The following ASXL3 variants were observed in gnomAD, a reference collection of about 807,000 sequenced individuals.
ASXL3 encodes putative Polycomb group protein ASXL3.
A neutral mutation model predicts 170.6 loss-of-function variants in ASXL3; 34 were observed. The ratio of observed to expected loss-of-function variants is 0.20; its 90% CI spans 0.15 to 0.27. ASXL3 has a LOEUF of 0.27. ASXL3 is among the 10% of genes least tolerant of loss of function. ASXL3 has a pLI of 1.00. For missense variants in ASXL3, 2,592 were observed against 2,695.3 expected (o/e 0.96, Z 0.85); for synonymous variants, 1,002 against 989.1 (o/e 1.01, Z -0.24).
At position 33,739,091 on chromosome 18, in the gene ASXL3, A is replaced by G. The variant is rs766174005; in HGVS notation, c.1687A>G (p.Thr563Ala). The change falls in exon 11 of 12, where the codon ACT (threonine) becomes GCT (alanine). Residue 563 changes from threonine (T) to alanine (A), a missense_variant. Thr to Ala is a moderately conservative substitution (Grantham distance 58, BLOSUM62 0). Around this residue, in one of 4 missense-constraint regions of ASXL3, gnomAD observed 2,246 missense variants for 2,219.6 expected, o/e 1.01. Coordinates refer to ENST00000269197, the MANE Select transcript of ASXL3 (RefSeq NM_030632.3). ...TGACACAGAACATAAGGAGTCAGAA[A>G]CTGCAGTAGAGACCAGTACCCCCAA... ...VSDTEHKESETAVETSTPKIK... is the reference protein window; with the variant it reads ...VSDTEHKESEAAVETSTPKIK... The G allele has an allele frequency of 1.2e-6, 2 of 1,613,428 alleles. No individual in the cohort carries two copies. Among genetic ancestry groups the G allele is most frequent in the South Asian group, 1.1e-5 (1 of 90,970 alleles).
intron 2 of ASXL3, among the ~76,000 whole-genome samples, chr18:33,615,192 G>C (rs2065403963): frequency 6.6e-6 from 1 of 152,154 alleles, no homozygotes; most frequent in African/African-American, 2.4e-5. Flanking sequence ...ATCTTAGCGA[G>C]ATATTTTGGA....
chr18:33,744,944 C>A lies in ASXL3; in HGVS notation c.5096C>A (p.Ala1699Asp), dbSNP rs2067749242. ...PELPPPAAEGASSVQQTQNMK... is the reference protein window; with the variant it reads ...PELPPPAAEGDSSVQQTQNMK... Reference sequence around the variant, plus strand: ...CTGCCTCCTCCGGCTGCAGAGGGAGCCTCTAGTGTACAACAAACACAGAAC... The same window carrying A: ...CTGCCTCCTCCGGCTGCAGAGGGAGACTCTAGTGTACAACAAACACAGAAC... The change falls in exon 12 of 12, where the codon GCC (alanine) becomes GAC (aspartate). Residue 1699 changes from alanine (A) to aspartate (D), a missense_variant. Ala to Asp is a moderately radical substitution (Grantham distance 126, BLOSUM62 -2). Coordinates refer to ENST00000269197, the MANE Select transcript of ASXL3 (RefSeq NM_030632.3). 3 of 1,613,946 alleles carry A rather than the reference C, an allele frequency of 1.9e-6. No individual in the cohort carries two copies. The highest frequency in any genetic ancestry group is 1.6e-4 in the Middle Eastern group (1 of 6,062).
At chr18:33,650,701 A>G (rs1221299003) in intron 4 of ASXL3, among the ~76,000 whole-genome samples, 1 of 152,158 alleles carries the variant, frequency 6.6e-6, no homozygotes, top group Non-Finnish European at 1.5e-5. Flanking sequence ...ACCCAAACAT[A>G]TCCAGCTAAT....
chr18:33,706,010 G>T (rs1362637325), intron 8 of ASXL3, among the ~76,000 whole-genome samples: 2 of 151,092 alleles, frequency 1.3e-5, no homozygotes, highest in African/African-American at 4.8e-5. Flanking sequence ...TATGTACTCT[G>T]TTGTATTTAG....
At chr18:33,689,012 T>TG (rs2066644418) in intron 8 of ASXL3, among the ~76,000 whole-genome samples, 1 of 151,878 alleles carries the variant, frequency 6.6e-6, no homozygotes, top group Admixed American at 6.6e-5. Context: ...TCTTTTTTTT[T>TG]TGATGGAGTC....
intron 1 of ASXL3, among the ~76,000 whole-genome samples, chr18:33,589,560 G>A (rs921836577): frequency 6.6e-6 from 1 of 152,142 alleles, no homozygotes; most frequent in African/African-American, 2.4e-5. Context: ...GAGAAAAAAG[G>A]CTTGCTCTGA....
chr18:33,693,954 G>T (rs534482093), intron 8 of ASXL3, among the ~76,000 whole-genome samples: 3 of 152,072 alleles, frequency 2.0e-5, no homozygotes, highest in Non-Finnish European at 2.9e-5. Flanking sequence ...AATATAGGTT[G>T]GAAGGAAGCA....
At chr18:33,638,435 A>G (rs1304010045) in intron 2 of ASXL3, among the ~76,000 whole-genome samples, 1 of 152,118 alleles carries the variant, frequency 6.6e-6, no homozygotes, top group Non-Finnish European at 1.5e-5. Flanking sequence ...GATAACCAAC[A>G]ATGTCATCTT....
intron 5 of ASXL3, among the ~76,000 whole-genome samples, chr18:33,662,501 T>A (rs2066189785): frequency 6.6e-6 from 1 of 152,150 alleles, no homozygotes. Context: ...AGTGAGTGGC[T>A]CATAGAAATA....
chr18:33,624,923 A>G (rs1258246203), intron 2 of ASXL3, among the ~76,000 whole-genome samples: 1 of 152,118 alleles, frequency 6.6e-6, no homozygotes, highest in East Asian at 1.9e-4. Flanking sequence ...CTGCCTGTTA[A>G]ACTAAATACA....
chr18:33,748,123 G>A lies in ASXL3; in HGVS notation c.*1528G>A, dbSNP rs958681287. The A allele has an allele frequency of 6.6e-6, 1 of 152,062 alleles. No homozygotes were observed. Among genetic ancestry groups the A allele is most frequent in the African/African-American group, 2.4e-5 (1 of 41,384 alleles). 9.4% of individuals were successfully genotyped at this position (152,062 alleles called of 1,614,324 possible). On this transcript the variant is annotated 3_prime_UTR_variant, in exon 12 of 12. Coordinates refer to ENST00000269197, the MANE Select transcript of ASXL3 (RefSeq NM_030632.3). ...GTAGAATTTAAAAAGCAAACATGGG[G>A]GGGGTGGGGAATCATCTGTATCCAG...
chr18:33,709,041 C>T (rs1436286494), intron 8 of ASXL3, among the ~76,000 whole-genome samples: 1 of 152,060 alleles, frequency 6.6e-6, no homozygotes, highest in Non-Finnish European at 1.5e-5. Flanking sequence ...TGCTCAGCTT[C>T]ATTAGTCATC....
rs144477059 is a variant in ASXL3 at position 33,631,122 on chromosome 18, ACATT to A, written c.138-13771_138-13768del. ...TATGTATCTGCATATGAAAAACAAA[ACATT>A]AAGTCATAAACCATGGAGAAAATAT... On this transcript the variant is annotated intron_variant, in intron 2 of 11. Transcript: ENST00000269197. Among the ~76,000 whole-genome samples, 989 of 152,202 alleles carry A rather than the reference ACATT, an allele frequency of 6.5e-3. 3 individuals are homozygous for A. The highest frequency in any genetic ancestry group is 0.019 in the African/African-American group (805 of 41,574).
At chr18:33,623,199 C>A (rs2065543744) in intron 2 of ASXL3, among the ~76,000 whole-genome samples, 1 of 152,114 alleles carries the variant, frequency 6.6e-6, no homozygotes, top group Non-Finnish European at 1.5e-5. Context: ...TTTATCTTTG[C>A]AATTTCATTT....
chr18:33,701,087 T>C (rs903297790), intron 8 of ASXL3, among the ~76,000 whole-genome samples: 1 of 152,050 alleles, frequency 6.6e-6, no homozygotes, highest in African/African-American at 2.4e-5. Flanking sequence ...CAAAAAATTG[T>C]GAGCTTTTTC....
intron 8 of ASXL3, among the ~76,000 whole-genome samples, chr18:33,718,963 C>T (rs1401474556): frequency 1.3e-5 from 2 of 151,980 alleles, no homozygotes; most frequent in East Asian, 3.9e-4. Flanking sequence ...TTGTTGAGAA[C>T]TTTGTGTAAG....
intron 9 of ASXL3, among the ~76,000 whole-genome samples, chr18:33,733,194 C>A (rs1179226824): frequency 6.6e-6 from 1 of 152,074 alleles, no homozygotes; most frequent in East Asian, 1.9e-4. Flanking sequence ...GCTTTCACCC[C>A]CTTGCCTAAT....
At chr18:33,697,660 C>A (rs532887584) in intron 8 of ASXL3, among the ~76,000 whole-genome samples, 229 of 152,132 alleles carry the variant, frequency 1.5e-3, no homozygotes, top group African/African-American at 5.3e-3. Flanking sequence ...CTATACATTT[C>A]AGGTGGTTGT....
At chr18:33,594,415 T>C (rs2065106781) in intron 1 of ASXL3, among the ~76,000 whole-genome samples, 1 of 152,196 alleles carries the variant, frequency 6.6e-6, no homozygotes, top group Non-Finnish European at 1.5e-5. Context: ...GAACTCAGCT[T>C]GTAAAATCAG....
Sources: gnomAD v4.1 joint callset for allele counts (sites outside exome capture counted in the v4.1 genomes callset) on GRCh38, gnomAD v4.1.1 for gene constraint, gnomAD v4.1.1 regional missense constraint, MANE v1.5 for transcripts, NCBI Gene and HGNC (gene_info 2026-07-23, HGNC 2026-07-21) for gene names.